The following FRMD6 variants were observed in gnomAD, a reference collection of about 807,000 sequenced individuals.
The protein encoded by FRMD6 is FERM domain-containing protein 6.
A neutral mutation model predicts 73.2 loss-of-function variants in FRMD6; 37 were observed. That is an observed-to-expected ratio of 0.51 (90% CI 0.39 to 0.66). FRMD6 has a LOEUF of 0.66. Among genes scored for constraint, FRMD6 ranks in the 30% least tolerant of loss-of-function variants. The pLI, the probability that FRMD6 is intolerant of heterozygous loss-of-function variation, is 0.00. For synonymous variants in FRMD6, 273 were observed against 282.2 expected, an observed-to-expected ratio of 0.97 and a Z score of 0.33; for missense variants, 714 against 780.5, an observed-to-expected ratio of 0.91 and a Z score of 1.02.
chr14:51,478,756 A>G, the FRMD6 span, among the ~76,000 whole-genome samples: 4 of 152,376 alleles, frequency 2.6e-5, no homozygotes, highest in South Asian at 8.3e-4. Flanking sequence ...CTAAAAAGGC[A>G]TAGTCCCTAT....
At chr14:51,435,008 C>A in the FRMD6 span, among the ~76,000 whole-genome samples, 1 of 152,284 alleles carries the variant, frequency 6.6e-6, no homozygotes, top group Non-Finnish European at 1.5e-5. Flanking sequence ...GACTAAGGTG[C>A]TGTCTGTCAC....
chr14:51,451,430 G>A, the FRMD6 span, among the ~76,000 whole-genome samples: 192 of 152,326 alleles, frequency 1.3e-3, no homozygotes, highest in Non-Finnish European at 2.2e-3. Flanking sequence ...CTGGAGTGCA[G>A]TGGTGTGAAG....
intron 1 of FRMD6, among the ~76,000 whole-genome samples, chr14:51,655,045 G>GT (rs1226588065): frequency 3.0e-5 from 4 of 132,480 alleles, no homozygotes; most frequent in Admixed American, 2.9e-4. Context: ...TTCTTTTAAA[G>GT]TAAAAAAAAA....
the FRMD6 span, among the ~76,000 whole-genome samples, chr14:51,424,342 C>T: frequency 1.3e-5 from 2 of 152,182 alleles, no homozygotes; most frequent in Non-Finnish European, 2.9e-5. Context: ...CAAGCATTTA[C>T]TGAAACTGTT....
chr14:51,654,966 A>G (rs1161711209), intron 1 of FRMD6, among the ~76,000 whole-genome samples: 3 of 151,902 alleles, frequency 2.0e-5, no homozygotes, highest in Non-Finnish European at 4.4e-5. Flanking sequence ...AACAGGAGGT[A>G]TTCAGTTTGT....
chr14:51,716,296 G>GT lies in FRMD6; in HGVS notation c.1024+808dup, dbSNP rs571953637. Among the ~76,000 whole-genome samples, 932 of 141,530 alleles carry GT rather than the reference G, an allele frequency of 6.6e-3. 5 individuals carry two copies. The highest frequency in any genetic ancestry group is 0.016 in the African/African-American group (604 of 38,874). 92.8% of individuals were successfully genotyped at this position (141,530 alleles called of 152,430 possible). ...ACTGCTACATTACGTATTTGGGTTT[G>GT]TTTTTTTTTTTAATGCTTTGGGGTT... is the stretch of plus-strand genomic sequence containing the variant. On this transcript the variant is annotated intron_variant, in intron 10 of 13. Transcript: ENST00000344768.
the FRMD6 span, among the ~76,000 whole-genome samples, chr14:51,439,064 ATGT>A: frequency 1.3e-5 from 2 of 152,228 alleles, no homozygotes; most frequent in Non-Finnish European, 2.9e-5. Flanking sequence ...AAGCTTTTTA[ATGT>A]TGTTAAAGTA....
the FRMD6 span, among the ~76,000 whole-genome samples, chr14:51,415,821 C>T: frequency 6.6e-6 from 1 of 152,170 alleles, no homozygotes; most frequent in South Asian, 2.1e-4. Context: ...ATTATTGCCC[C>T]AATTTCAGAG....
intron 2 of FRMD6, among the ~76,000 whole-genome samples, chr14:51,599,612 C>T (rs959487404): frequency 6.6e-5 from 10 of 152,112 alleles, no homozygotes; most frequent in African/African-American, 2.4e-4. Context: ...GGTCTAATAT[C>T]TAGAATTCAT....
chr14:51,542,012 C>T (rs1312493973), intron 1 of FRMD6, among the ~76,000 whole-genome samples: 1 of 151,978 alleles, frequency 6.6e-6, no homozygotes, highest in African/African-American at 2.4e-5. Flanking sequence ...AGAGTTTGTT[C>T]CCAATACCAC....
chr14:51,705,811 C>T (rs1896592668), intron 6 of FRMD6, among the ~76,000 whole-genome samples: 1 of 152,080 alleles, frequency 6.6e-6, no homozygotes, highest in African/African-American at 2.4e-5. Context: ...ATTAAATATG[C>T]ACTACTTTTG....
chr14:51,470,795 A>C, the FRMD6 span, among the ~76,000 whole-genome samples: 2 of 152,152 alleles, frequency 1.3e-5, no homozygotes, highest in Non-Finnish European at 2.9e-5. Flanking sequence ...ATTTCTAGAT[A>C]TTTATGGGTT....
At chr14:51,533,608 T>C (rs1485410041) in intron 1 of FRMD6, among the ~76,000 whole-genome samples, 1 of 152,194 alleles carries the variant, frequency 6.6e-6, no homozygotes, top group Non-Finnish European at 1.5e-5. Flanking sequence ...CATTCAGACA[T>C]TTCTACCAGG....
In FRMD6 at chr14:51,635,049, C is replaced by T. The variant is rs74546533; in HGVS notation, c.-146-54642C>T. On this transcript the variant is annotated intron_variant, in intron 2 of 14. Coordinates refer to the FRMD6 transcript ENST00000356218. ...TCCTGGGCTCCAGTGGTCCTCCTGC[C>T]TCAGCCTCCCGAGTAAGGCTTCAAC... Among the ~76,000 whole-genome samples the T allele has an allele frequency of 2.0e-5, 3 of 152,160 alleles. No homozygotes were observed. The East Asian group carries it at 5.8e-4, about 29-fold the overall frequency.
Position 51,722,043 on chromosome 14 carries a change from G to A in FRMD6, c.1455G>A (p.Glu485=). 1 of 1,614,146 alleles carries A rather than the reference G, an allele frequency of 6.2e-7. No homozygotes were observed. The highest frequency in any genetic ancestry group is 1.1e-5 in the South Asian group (1 of 91,084). The part of the protein sequence containing the change: ...VSPDMCIYIT[E]DMLMSRKLNG... ...CAGACATGTGCATCTACATCACAGA[G>A]GACATGCTCATGTCGCGGAAGCTGA... Residue 485 remains glutamate, a synonymous_variant, in exon 12 of 14, where the codon GAG becomes GAA. Transcript: ENST00000344768.
chr14:51,587,991 A>AT (rs1200149596), intron 2 of FRMD6, among the ~76,000 whole-genome samples: 14 of 151,858 alleles, frequency 9.2e-5, no homozygotes, highest in Non-Finnish European at 1.9e-4. Context: ...GATTTTAGCT[A>AT]TTTTTCCCCC....
chr14:51,721,616 A>G (rs890631184), intron 11 of FRMD6, among the ~76,000 whole-genome samples: 2 of 131,486 alleles, frequency 1.5e-5, no homozygotes, highest in Non-Finnish European at 3.3e-5. Flanking sequence ...AAAGAAAGAA[A>G]TTGAGAAAGA....
intron 1 of FRMD6, among the ~76,000 whole-genome samples, chr14:51,510,457 A>G (rs1884234429): frequency 6.6e-6 from 1 of 151,420 alleles, no homozygotes; most frequent in African/African-American, 2.4e-5. Flanking sequence ...TTGGTTCCCT[A>G]TTTTTCCTGG....
chr14:51,669,486 A>T (rs572996377), intron 1 of FRMD6, among the ~76,000 whole-genome samples: 9 of 152,208 alleles, frequency 5.9e-5, no homozygotes, highest in Non-Finnish European at 1.2e-4. Context: ...CATGTCTGAG[A>T]GTTCTAGTTG....
Sources: allele counts gnomAD v4.1 joint callset (sites outside exome capture counted in the v4.1 genomes callset), GRCh38; gene constraint gnomAD v4.1.1; transcripts MANE v1.5; gene names NCBI Gene and HGNC (gene_info 2026-07-23, HGNC 2026-07-21).